Variants in SCAPER observed in about 807,000 individuals in gnomAD.
SCAPER encodes S-phase cyclin A associated protein in the ER, also known as S phase cyclin A-associated protein in the endoplasmic reticulum.
Under a neutral mutation model 182.2 loss-of-function variants are expected in SCAPER, and 98 were observed. The observed-to-expected ratio is 0.54, with a 90% confidence interval of 0.46 to 0.64. The LOEUF is 0.64. SCAPER is among the 30% of genes least tolerant of loss of function. SCAPER has a pLI of 0.00. For missense variants in SCAPER, 1,432 were observed against 1,690.0 expected (o/e 0.85, Z 2.68); for synonymous variants, 605 against 564.6 (o/e 1.07, Z -1.01).
At chr15:76,698,690 G>C (rs1230613845) in intron 20 of SCAPER, among the ~76,000 whole-genome samples, 2 of 152,194 alleles carry the variant, frequency 1.3e-5, no homozygotes, top group Non-Finnish European at 2.9e-5. Context: ...GTTAAAACTT[G>C]AGGAGCAAAA....
intron 20 of SCAPER, among the ~76,000 whole-genome samples, chr15:76,671,968 G>A (rs1476204955): frequency 6.6e-6 from 1 of 152,120 alleles, no homozygotes; most frequent in Non-Finnish European, 1.5e-5. Context: ...GGGCTCTGGC[G>A]ACTTCAATAG....
At chr15:76,802,790 C>T (rs2065890631) in intron 6 of SCAPER, among the ~76,000 whole-genome samples, 1 of 152,140 alleles carries the variant, frequency 6.6e-6, no homozygotes, top group Non-Finnish European at 1.5e-5. Flanking sequence ...CAGGATAGGC[C>T]TATTTGCTTG....
rs377734546 is a variant in SCAPER at position 76,376,149 on chromosome 15, C to T, written c.3855+13G>A. The T allele has an allele frequency of 1.7e-5, 27 of 1,613,544 alleles. No homozygotes were observed. The highest frequency in any genetic ancestry group is 2.1e-5 in the Non-Finnish European group (25 of 1,179,648). On this transcript the variant is annotated intron_variant, in intron 29 of 31. Transcript: ENST00000563290. ...TGGGGGAGCAGTCTAAGGAACTTTC[C>T]AGGGCCTCTTACCTGGTTATCTGGG... is the stretch of plus-strand genomic sequence containing the variant.
chr15:76,472,171 T>C, intron 24 of SCAPER: 1 of 461,488 alleles, frequency 2.2e-6, no homozygotes, highest in Non-Finnish European at 4.1e-6. Flanking sequence ...GAAAGATCCG[T>C]AAGGTTGTCT....
intron 4 of SCAPER, among the ~76,000 whole-genome samples, chr15:76,854,324 CG>C (rs2071100403): frequency 6.6e-6 from 1 of 151,672 alleles, no homozygotes; most frequent in Non-Finnish European, 1.5e-5. Flanking sequence ...ACAGCCAAGC[CG>C]AGAGTCAAAT....
chr15:76,862,502 T>C lies in SCAPER; in HGVS notation c.38A>G (p.Lys13Arg). The change falls in exon 3 of 32, where the codon AAA becomes AGA. Residue 13 changes from lysine to arginine, a missense_variant. By Grantham distance (26) the Lys-to-Arg change is conservative. This residue lies in a region of SCAPER where 480 missense variants were observed against 510.2 expected (regional missense o/e 0.94). Transcript: ENST00000563290. ...ASFQRSNSHD[K>R]VRRIVAEEGR... ...CTCCTCTGCAACTATTCTCCTTACT[T>C]TGTCATGACTATTGGAGCGCTGGAA... 1.2e-6 allele frequency: 2 copies of C among 1,613,078 alleles called. No individual in the cohort carries two copies. The highest frequency in any genetic ancestry group is 1.7e-6 in the Non-Finnish European group (2 of 1,179,406).
intron 5 of SCAPER, among the ~76,000 whole-genome samples, chr15:76,810,847 A>G (rs1388108067): frequency 6.6e-6 from 1 of 152,098 alleles, no homozygotes; most frequent in Non-Finnish European, 1.5e-5. Context: ...GGAAAAAGAT[A>G]TTGTAAGCAA....
chr15:76,837,700 C>T (rs1029504092), intron 5 of SCAPER, among the ~76,000 whole-genome samples: 1 of 152,114 alleles, frequency 6.6e-6, no homozygotes, highest in Admixed American at 6.5e-5. Flanking sequence ...CAATGAGATA[C>T]CATCTCACAT....
chr15:76,424,971 T>G (rs905464970), intron 26 of SCAPER, among the ~76,000 whole-genome samples: 2 of 152,244 alleles, frequency 1.3e-5, no homozygotes, highest in African/African-American at 4.8e-5. Context: ...CTTGAAGAGT[T>G]TCTGCTGAGA....
intron 8 of SCAPER, among the ~76,000 whole-genome samples, chr15:76,788,274 T>C (rs1015750712): frequency 3.9e-5 from 6 of 152,226 alleles, no homozygotes; most frequent in African/African-American, 1.4e-4. Flanking sequence ...GTTGTGATAG[T>C]TGTACATTAT....
intron 21 of SCAPER, among the ~76,000 whole-genome samples, chr15:76,663,518 G>A (rs1330300234): frequency 1.3e-5 from 2 of 151,912 alleles, no homozygotes; most frequent in African/African-American, 4.8e-5. Flanking sequence ...AATGGATATA[G>A]TCAGCAATAA....
intron 17 of SCAPER, among the ~76,000 whole-genome samples, chr15:76,718,472 T>G (rs1312703834): frequency 3.3e-5 from 5 of 151,912 alleles, no homozygotes; most frequent in Non-Finnish European, 7.4e-5. Context: ...GCGGATCACT[T>G]GAGGTCAGGA....
Position 76,771,890 on chromosome 15 carries a change from G to T in SCAPER, c.1100C>A (p.Thr367Asn), listed in dbSNP as rs773250510. ...AATGTGGACAGCAGATATTTCAGAAGTTCGAACATAATTGTCTCGAATACT... is the reference window on the plus strand; with the variant it reads ...AATGTGGACAGCAGATATTTCAGAATTTCGAACATAATTGTCTCGAATACT... Reference protein sequence around the residue: ...SGSIRDNYVRTSEISAVHIDT... With the variant: ...SGSIRDNYVRNSEISAVHIDT... Residue 367 changes from threonine to asparagine, a missense_variant, in exon 10 of 32, where the codon ACT becomes AAT. Coordinates refer to ENST00000563290, the MANE Select transcript of SCAPER (RefSeq NM_020843.4). The T allele has an allele frequency of 6.2e-7, 1 of 1,612,996 alleles. No homozygotes were observed. Among genetic ancestry groups the T allele is most frequent in the Non-Finnish European group, 8.5e-7 (1 of 1,179,406 alleles).
chr15:76,782,987 C>A (rs2064274229), intron 8 of SCAPER, among the ~76,000 whole-genome samples: 1 of 152,050 alleles, frequency 6.6e-6, no homozygotes, highest in Non-Finnish European at 1.5e-5. Flanking sequence ...GAAGCAAGAG[C>A]AAACACATTC....
intron 29 of SCAPER, among the ~76,000 whole-genome samples, chr15:76,370,596 C>T (rs560970386): frequency 3.3e-5 from 5 of 152,210 alleles, no homozygotes; most frequent in East Asian, 1.9e-4. Context: ...TGGGCCACCA[C>T]GCCTGGCCCC....
chr15:76,720,294 T>C (rs907053366), intron 17 of SCAPER, among the ~76,000 whole-genome samples: 2 of 152,110 alleles, frequency 1.3e-5, no homozygotes, highest in Admixed American at 6.5e-5. Context: ...TTCCATGGTG[T>C]ATATGTGCCA....
intron 29 of SCAPER, among the ~76,000 whole-genome samples, chr15:76,357,150 TCACACACACACACACACACACACA>T (rs55912416): frequency 7.8e-6 from 1 of 128,858 alleles, no homozygotes; most frequent in African/African-American, 2.9e-5. Context: ...TTTATTGACA[TCACACACACACACACACACACACA>T]CACACACACA....
At chr15:76,457,468 T>C (rs1011437776) in intron 25 of SCAPER, among the ~76,000 whole-genome samples, 1 of 152,232 alleles carries the variant, frequency 6.6e-6, no homozygotes, top group East Asian at 1.9e-4. Flanking sequence ...CTTTTTTCCT[T>C]TCTTCTTTTG....
At chr15:76,640,989 C>T (rs919466657) in intron 21 of SCAPER, among the ~76,000 whole-genome samples, 2 of 152,106 alleles carry the variant, frequency 1.3e-5, no homozygotes, top group African/African-American at 2.4e-5. Context: ...AGCCTATAAA[C>T]GGAAGCATGA....
Sources: allele counts gnomAD v4.1 joint callset (sites outside exome capture counted in the v4.1 genomes callset), GRCh38; gene constraint gnomAD v4.1.1; regional missense constraint gnomAD v4.1.1; transcripts MANE v1.5; gene names NCBI Gene and HGNC (gene_info 2026-07-23, HGNC 2026-07-21).